SKA3: variants seen among roughly 807,000 people sequenced by gnomAD.
The protein encoded by SKA3 is spindle and kinetochore associated complex subunit 3.
A neutral mutation model predicts 44.2 loss-of-function variants in SKA3; 39 were observed. The ratio of observed to expected loss-of-function variants is 0.88; its 90% CI spans 0.68 to 1.15. The LOEUF is 1.15. SKA3 is among the 50% of genes most tolerant of loss of function. The pLI is 0.00. For missense variants in SKA3, 511 were observed against 485.8 expected, an observed-to-expected ratio of 1.05 and a Z score of -0.49; for synonymous variants, 192 against 172.0, an observed-to-expected ratio of 1.12 and a Z score of -0.91.
intron 4 of SKA3, among the ~76,000 whole-genome samples, chr13:21,166,331 C>T (rs1387609669): frequency 1.3e-5 from 2 of 152,124 alleles, no homozygotes; most frequent in African/African-American, 4.8e-5. Context: ...AGGTTTTCTA[C>T]TTCAAGTCAA....
At chr13:21,168,576 G>T (rs1336279867) in intron 3 of SKA3, among the ~76,000 whole-genome samples, 177 bp from the exon 4 acceptor site, 2 of 152,214 alleles carry the variant, frequency 1.3e-5, no homozygotes, top group Non-Finnish European at 2.9e-5. Context: ...ACCCAGGCTG[G>T]AGTACAGAGG....
chr13:21,161,073 C>A (rs1178491949), intron 5 of SKA3, among the ~76,000 whole-genome samples: 4 of 152,094 alleles, frequency 2.6e-5, no homozygotes, highest in South Asian at 2.1e-4. Context: ...AATGAGTTGT[C>A]TACAGTTGTG....
At chr13:21,159,408 A>G (rs1450436648) in intron 6 of SKA3, among the ~76,000 whole-genome samples, 1 of 152,212 alleles carries the variant, frequency 6.6e-6, no homozygotes, top group East Asian at 1.9e-4. Context: ...GTTTCTATCC[A>G]CTTTTTCCTT....
chr13:21,168,253 C>A lies in SKA3; in HGVS notation c.478G>T (p.Asp160Tyr). The A allele has an allele frequency of 6.2e-7, 1 of 1,614,182 alleles. No homozygotes were observed. The highest frequency in any genetic ancestry group is 1.1e-5 in the South Asian group (1 of 91,086). Residue 160 changes from aspartate to tyrosine, a missense_variant, in exon 4 of 9, where the codon GAT becomes TAT. Coordinates refer to ENST00000314759, the MANE Select transcript of SKA3 (RefSeq NM_145061.6). The part of the protein sequence containing the change: ...EKSPRSPQLS[D>Y]FGLERYIVSQ... Reference sequence around the variant, plus strand: ...ACGATGTACCGCTCAAGTCCAAAATCTGAAAGTTGTGGACTACGTGGAGAC... The same window carrying A: ...ACGATGTACCGCTCAAGTCCAAAATATGAAAGTTGTGGACTACGTGGAGAC...
At position 21,161,990 on chromosome 13, in the gene SKA3, G is replaced by A. The variant is rs370003081; in HGVS notation, c.744-115C>T. 6 of 511,560 alleles carry A rather than the reference G, an allele frequency of 1.2e-5. No homozygotes were observed. In the East Asian group the frequency reaches 2.2e-4, roughly 19 times the overall value. 31.7% of individuals were successfully genotyped at this position (511,560 alleles called of 1,614,324 possible). A position where few individuals can be genotyped will look rare whatever the true frequency, so the allele number is the denominator to read the frequency against. ...GGACAAACATTCAGTTATGCTTTATGGTACAGAAGTCCCATGAAACAAATT... is the reference window on the plus strand; with the variant it reads ...GGACAAACATTCAGTTATGCTTTATAGTACAGAAGTCCCATGAAACAAATT... On this transcript the variant is annotated intron_variant, in intron 4 of 8. Coordinates refer to ENST00000314759, the MANE Select transcript of SKA3 (RefSeq NM_145061.6).
Position 21,155,813 on chromosome 13 carries a change from T to TGA in SKA3, c.1120-3_1120-2insTC. The TGA allele has an allele frequency of 1.8e-6, 2 of 1,123,166 alleles. No individual in the cohort carries two copies. Among genetic ancestry groups the TGA allele is most frequent in the Middle Eastern group, 2.3e-4 (1 of 4,390 alleles). 69.6% of individuals were successfully genotyped at this position (1,123,166 alleles called of 1,614,324 possible). A position where few individuals can be genotyped will look rare whatever the true frequency, so the allele number is the denominator to read the frequency against. On this transcript the variant is annotated splice_polypyrimidine_tract_variant and splice_region_variant and intron_variant, in intron 7 of 8. Coordinates refer to ENST00000314759, the MANE Select transcript of SKA3 (RefSeq NM_145061.6). The stretch of plus-strand genomic sequence containing the variant: ...GTTTGAGTTGTATTTTGATAAAAGC[T>TGA]AAAAAAAAAAAAGGAAATTCCTTTT...
chr13:21,164,754 T>A (rs139731714), intron 4 of SKA3, among the ~76,000 whole-genome samples: 2 of 152,098 alleles, frequency 1.3e-5, no homozygotes, highest in African/African-American at 2.4e-5. Context: ...ATTTTATTTT[T>A]ATTTTTTTAG....
intron 6 of SKA3, 128 bp downstream of exon 6, chr13:21,159,774 C>T (rs1870330637): frequency 1.7e-6 from 1 of 576,872 alleles, no homozygotes; most frequent in Non-Finnish European, 3.0e-6. Context: ...TCCAGAAATG[C>T]ACTGTAAATA....
At chr13:21,169,717 C>T (rs1422704731) in intron 3 of SKA3, among the ~76,000 whole-genome samples, 1 of 152,082 alleles carries the variant, frequency 6.6e-6, no homozygotes, top group Non-Finnish European at 1.5e-5. Context: ...CAGCTAGTCA[C>T]ACCCACAACA....
chr13:21,163,373 CT>C (rs1272794559), intron 4 of SKA3, among the ~76,000 whole-genome samples: 1 of 152,052 alleles, frequency 6.6e-6, no homozygotes, highest in African/African-American at 2.4e-5. Flanking sequence ...TGCTTTTGAA[CT>C]TTTGAACTAT....
chr13:21,160,058 T>C, intron 5 of SKA3, 71 bp from the exon 6 acceptor site: 1 of 962,750 alleles, frequency 1.0e-6, no homozygotes, highest in South Asian at 2.2e-5. Flanking sequence ...GAAGAAAATC[T>C]CATATTTACA....
At chr13:21,176,199 C>A in intron 1 of SKA3, 176 bp downstream of exon 1, 1 of 564,418 alleles carries the variant, frequency 1.8e-6, no homozygotes, top group South Asian at 2.2e-5. Flanking sequence ...GGCCCGGGAG[C>A]TACGCTAACG....
intron 2 of SKA3, 40 bp from the exon 3 acceptor site, chr13:21,172,544 T>A: frequency 6.5e-7 from 1 of 1,527,462 alleles, no homozygotes; most frequent in African/African-American, 1.4e-5. Context: ...TTTCTCTAAC[T>A]TCTGACTAAA....
intron 4 of SKA3, among the ~76,000 whole-genome samples, chr13:21,163,265 C>A (rs1404502540): frequency 2.0e-5 from 3 of 152,074 alleles, no homozygotes; most frequent in African/African-American, 7.2e-5. Context: ...TCTATGGAAG[C>A]TTCCCAACTT....
chr13:21,176,184 A>G (rs1871506130), intron 1 of SKA3, among the ~76,000 whole-genome samples, 191 bp downstream of exon 1: 2 of 152,194 alleles, frequency 1.3e-5, no homozygotes, highest in South Asian at 2.1e-4. Context: ...AATAAACCAT[A>G]AACAGGCCCG....
intron 6 of SKA3, 37 bp from the exon 7 acceptor site, chr13:21,158,162 A>G (rs777447983): frequency 1.5e-5 from 20 of 1,310,454 alleles, no homozygotes; most frequent in Non-Finnish European, 2.2e-5. Context: ...TTATGGTAAT[A>G]TAACATAATG....
At chr13:21,167,779 CA>C (rs373781795) in intron 4 of SKA3, among the ~76,000 whole-genome samples, 23 of 123,868 alleles carry the variant, frequency 1.9e-4, no homozygotes, top group East Asian at 1.2e-3. Context: ...AAAAAAAAAA[CA>C]AAAAAAAAAA....
intron 6 of SKA3, among the ~76,000 whole-genome samples, chr13:21,158,926 G>A (rs1231531164): frequency 6.6e-6 from 1 of 152,114 alleles, no homozygotes. Flanking sequence ...TACCTTCCAC[G>A]TGAACATAAG....
intron 5 of SKA3, among the ~76,000 whole-genome samples, chr13:21,160,534 A>T (rs1204438431): frequency 6.6e-6 from 1 of 151,918 alleles, no homozygotes; most frequent in Non-Finnish European, 1.5e-5. Flanking sequence ...AAAGGTAAAT[A>T]TGTTAGAAAA....
Sources: gnomAD v4.1 joint callset for allele counts (sites outside exome capture counted in the v4.1 genomes callset) on GRCh38, gnomAD v4.1.1 for gene constraint, MANE v1.5 for transcripts, NCBI Gene and HGNC (gene_info 2026-07-23, HGNC 2026-07-21) for gene names.